Variants in MTA3 observed in about 807,000 individuals in gnomAD.
MTA3 encodes the protein metastasis-associated protein MTA3.
Under a neutral mutation model 83.5 loss-of-function variants are expected in MTA3, and 34 were observed. That is an observed-to-expected ratio of 0.41 (90% CI 0.31 to 0.54). The LOEUF (loss-of-function observed/expected upper bound fraction) is 0.54, where lower values mean the gene tolerates loss of function less well. Among genes scored for constraint, MTA3 ranks in the 20% least tolerant of loss-of-function variants. MTA3 has a pLI of 0.33. For missense variants in MTA3, 761 were observed against 726.4 expected (o/e 1.05, Z -0.55); for synonymous variants, 303 against 252.7 (o/e 1.20, Z -1.89).
At chr2:42,716,359 C>CAT (rs1050222258) in intron 14 of MTA3, among the ~76,000 whole-genome samples, 1 of 152,122 alleles carries the variant, frequency 6.6e-6, no homozygotes, top group Non-Finnish European at 1.5e-5. Flanking sequence ...TTCAGGGGTA[C>CAT]ATGTGCAGGT....
intron 8 of MTA3, among the ~76,000 whole-genome samples, chr2:42,666,104 C>T (rs983781997): frequency 9.2e-5 from 14 of 152,046 alleles, no homozygotes; most frequent in Non-Finnish European, 1.8e-4. Context: ...GGTGAAACCC[C>T]GTCTCTACTA....
rs371772169 is a variant in MTA3 at position 42,704,243 on chromosome 2, G to T, written c.1075G>T (p.Ala359Ser). Residue 359 changes from alanine to serine, a missense_variant, in exon 12 of 17, where the codon GCT becomes TCT. Coordinates refer to ENST00000405094, the MANE Select transcript of MTA3 (RefSeq NM_001330442.2). Reference protein sequence around the residue: ...QISTSNGKPGAVNGAVGTTFQ... With the variant: ...QISTSNGKPGSVNGAVGTTFQ... ...ATCCACTAGTAATGGGAAGCCTGGT[G>T]CTGTGAATGGAGCTGTGGGGACCAC... The T allele has an allele frequency of 6.8e-6, 11 of 1,613,880 alleles. No homozygotes were observed. The highest frequency in any genetic ancestry group is 2.2e-5 in the East Asian group (1 of 44,886).
At chr2:42,657,299 C>T (rs1317571402) in intron 7 of MTA3, among the ~76,000 whole-genome samples, 2 of 152,244 alleles carry the variant, frequency 1.3e-5, no homozygotes, top group East Asian at 1.9e-4. Flanking sequence ...AGCCAGTCAC[C>T]ATGGACGATC....
intron 2 of MTA3, among the ~76,000 whole-genome samples, chr2:42,549,717 A>G (rs1008771792): frequency 2.2e-4 from 29 of 133,526 alleles, no homozygotes; most frequent in Non-Finnish European, 3.8e-4. Context: ...TTATATATTT[A>G]AATTATATAT....
At chr2:42,558,438 T>C (rs894300013) in intron 2 of MTA3, among the ~76,000 whole-genome samples, 1 of 151,858 alleles carries the variant, frequency 6.6e-6, no homozygotes, top group Non-Finnish European at 1.5e-5. Flanking sequence ...TTAGTAGAGA[T>C]GGGGTTTCTC....
At chr2:42,535,525 C>A (rs1015681767) in intron 2 of MTA3, among the ~76,000 whole-genome samples, 4 of 152,198 alleles carry the variant, frequency 2.6e-5, no homozygotes, top group African/African-American at 9.7e-5. Context: ...CTGCACCCAA[C>A]TCCCTTCCTT....
At chr2:42,525,770 A>T (rs1359872238) in intron 2 of MTA3, among the ~76,000 whole-genome samples, 2 of 150,942 alleles carry the variant, frequency 1.3e-5, no homozygotes, top group Non-Finnish European at 3.0e-5. Context: ...TGATCCTCCC[A>T]CCTCAGCCTC....
intron 3 of MTA3, among the ~76,000 whole-genome samples, chr2:42,594,728 A>ATATATATATATATTTTTTTTTTTTTTT: frequency 4.2e-5 from 1 of 24,044 alleles, no homozygotes; most frequent in Non-Finnish European, 6.5e-5. Flanking sequence ...ATATATATAT[A>ATATATATATATATTTTTTTTTTTTTTT]TTTTTTTTTT....
intron 2 of MTA3, among the ~76,000 whole-genome samples, chr2:42,560,421 A>G (rs1285779368): frequency 1.3e-5 from 2 of 151,264 alleles, no homozygotes; most frequent in East Asian, 4.0e-4. Flanking sequence ...CGAGTGGATC[A>G]CTTGAGGTCA....
chr2:42,680,635 A>C (rs1691801142), intron 8 of MTA3, among the ~76,000 whole-genome samples: 1 of 152,198 alleles, frequency 6.6e-6, no homozygotes, highest in Non-Finnish European at 1.5e-5. Context: ...GTTGCTTTTC[A>C]GTTTTCCTGT....
At chr2:42,679,952 A>C (rs1287948456) in intron 8 of MTA3, 1 of 152,164 alleles carries the variant, frequency 6.6e-6, no homozygotes, top group Non-Finnish European at 1.5e-5. Context: ...AGGTGAATGT[A>C]ACAGATTAAA....
chr2:42,672,645 C>CAAAAAAAAAAAAAAAAAA, intron 8 of MTA3, among the ~76,000 whole-genome samples: 1 of 51,548 alleles, frequency 1.9e-5, no homozygotes, highest in Non-Finnish European at 3.1e-5. Context: ...ATTCCATCTC[C>CAAAAAAAAAAAAAAAAAA]AAAAAAAAAA....
chr2:42,671,585 CTAAT>C (rs900001566), intron 8 of MTA3, among the ~76,000 whole-genome samples: 7 of 152,124 alleles, frequency 4.6e-5, no homozygotes, highest in African/African-American at 1.7e-4. Context: ...GAATGTCCCT[CTAAT>C]TATCACCTTG....
chr2:42,722,791 C>G (rs1247179388), intron 15 of MTA3, 98 bp from the exon 16 acceptor site: 2 of 1,370,070 alleles, frequency 1.5e-6, no homozygotes, highest in East Asian at 5.0e-5. Context: ...TGACTCTCAG[C>G]TCATTAAGAA....
intron 2 of MTA3, among the ~76,000 whole-genome samples, chr2:42,515,996 A>T (rs1675130547): frequency 6.6e-6 from 1 of 150,854 alleles, no homozygotes; most frequent in African/African-American, 2.4e-5. Flanking sequence ...GCCTGCCACC[A>T]TGCCCGGCTA....
chr2:42,741,606 A>G (rs1296983435), intron 16 of MTA3, among the ~76,000 whole-genome samples: 1 of 72,138 alleles, frequency 1.4e-5, no homozygotes, highest in Non-Finnish European at 2.4e-5. Flanking sequence ...GAGATGCTCA[A>G]GGAGAGGGGA....
chr2:42,513,476 G>C (rs1558406546), intron 2 of MTA3, among the ~76,000 whole-genome samples: 1 of 152,198 alleles, frequency 6.6e-6, no homozygotes, highest in Non-Finnish European at 1.5e-5. Flanking sequence ...AAAAGGGATA[G>C]ACTCCAAGTG....
At chr2:42,649,525 G>T (rs1303228180) in intron 6 of MTA3, among the ~76,000 whole-genome samples, 1 of 152,122 alleles carries the variant, frequency 6.6e-6, no homozygotes, top group Non-Finnish European at 1.5e-5. Context: ...CTCATGTTCT[G>T]TTGGCAAATA....
chr2:42,624,175 T>C (rs752336941), intron 4 of MTA3, among the ~76,000 whole-genome samples: 2 of 152,174 alleles, frequency 1.3e-5, no homozygotes, highest in Non-Finnish European at 2.9e-5. Flanking sequence ...ATTCAGACTT[T>C]TCTTTGTTTA....
Sources: allele counts gnomAD v4.1 joint callset (sites outside exome capture counted in the v4.1 genomes callset), GRCh38; gene constraint gnomAD v4.1.1; transcripts MANE v1.5; gene names NCBI Gene and HGNC (gene_info 2026-07-23, HGNC 2026-07-21).